SMYD3: variants seen among roughly 807,000 people sequenced by gnomAD.
The protein encoded by SMYD3 is SET and MYND domain containing 3.
A neutral mutation model predicts 57.7 loss-of-function variants in SMYD3; 36 were observed. The observed-to-expected ratio is 0.62, with a 90% CI of 0.48 to 0.82. SMYD3 has a LOEUF of 0.82. Ranked by LOEUF, SMYD3 falls within the 40% of genes least tolerant of loss-of-function variation. The probability of loss-of-function intolerance (pLI) is 0.00; values close to 1 mark genes in which losing one functional copy is unlikely to be tolerated. For synonymous variants in SMYD3, 211 were observed against 195.0 expected (o/e 1.08, Z -0.68); for missense variants, 515 against 538.8 (o/e 0.96, Z 0.44).
chr1:246,406,851 C>T (rs1422854886), intron 1 of SMYD3, among the ~76,000 whole-genome samples: 1 of 152,170 alleles, frequency 6.6e-6, no homozygotes, highest in East Asian at 1.9e-4. Flanking sequence ...GTCCTCCCTT[C>T]AAAACAAACA....
intron 5 of SMYD3, among the ~76,000 whole-genome samples, chr1:246,309,591 G>A (rs920775044): frequency 6.6e-6 from 1 of 152,126 alleles, no homozygotes; most frequent in African/African-American, 2.4e-5. Context: ...AAGTTACCGG[G>A]CTTTGAAATT....
chr1:246,156,526 AC>A (rs890297893), intron 5 of SMYD3, among the ~76,000 whole-genome samples: 1 of 152,210 alleles, frequency 6.6e-6, no homozygotes, highest in Non-Finnish European at 1.5e-5. Flanking sequence ...ACTCACAGAA[AC>A]CTACTTTCTT....
At chr1:246,180,288 TTATATA>T (rs569870572) in intron 5 of SMYD3, among the ~76,000 whole-genome samples, 2 of 145,452 alleles carry the variant, frequency 1.4e-5, no homozygotes, top group East Asian at 2.0e-4. Context: ...TATAAACTAC[TTATATA>T]TATATAAGTA....
intron 5 of SMYD3, among the ~76,000 whole-genome samples, chr1:246,078,018 G>T (rs77363362): frequency 0.079 from 12,052 of 151,750 alleles, 1,423 homozygotes; most frequent in African/African-American, 0.26. Context: ...CTTTTAAAGT[G>T]CCTTTCATAA....
chr1:245,790,451 C>A (rs188129867), intron 10 of SMYD3, among the ~76,000 whole-genome samples: 102 of 152,324 alleles, frequency 6.7e-4, no homozygotes, highest in Non-Finnish European at 7.9e-4. Context: ...GAGGGGAGAA[C>A]CCCCAGAGTC....
chr1:246,411,586 C>T (rs1271368723), intron 1 of SMYD3, among the ~76,000 whole-genome samples: 2 of 152,036 alleles, frequency 1.3e-5, no homozygotes, highest in Non-Finnish European at 2.9e-5. Context: ...AAATGTCCAA[C>T]AATGATAGAC....
intron 10 of SMYD3, among the ~76,000 whole-genome samples, chr1:245,826,945 T>C (rs2049536696): frequency 6.6e-6 from 1 of 152,226 alleles, no homozygotes; most frequent in African/African-American, 2.4e-5. Flanking sequence ...ACATGGGGAT[T>C]ATGGGGATTA....
chr1:246,430,092 C>T (rs1148727), intron 1 of SMYD3, among the ~76,000 whole-genome samples: 1 of 109,692 alleles, frequency 9.1e-6, no homozygotes. Flanking sequence ...ATACGAGAAA[C>T]GGTAACTCCT....
At chr1:245,806,887 G>A (rs1385020343) in intron 10 of SMYD3, among the ~76,000 whole-genome samples, 91 of 130,054 alleles carry the variant, frequency 7.0e-4, no homozygotes, top group East Asian at 9.5e-4. Context: ...TCCGCAATCC[G>A]GCCTGGGCGA....
intron 8 of SMYD3, among the ~76,000 whole-genome samples, chr1:245,912,346 TAAAAG>T (rs2055055601): frequency 6.6e-6 from 1 of 151,944 alleles, no homozygotes; most frequent in Non-Finnish European, 1.5e-5. Context: ...AAAACATTGA[TAAAAG>T]AAACTGAAGA....
rs145055481 is a variant in SMYD3 at position 246,378,076 on chromosome 1, C to T, written c.165-22982G>A. Reference sequence around the variant, plus strand: ...CCTTTTATCAACTGCCTGTTCATAGCATTTGCATATTTTCTACTGAGTTTT... The same window carrying T: ...CCTTTTATCAACTGCCTGTTCATAGTATTTGCATATTTTCTACTGAGTTTT... On this transcript the variant is annotated intron_variant, in intron 1 of 11. Transcript: ENST00000490107. Among the ~76,000 whole-genome samples, 256 of 152,314 alleles carry T rather than the reference C, an allele frequency of 1.7e-3. 1 individual carries two copies. Among genetic ancestry groups the T allele is most frequent in the African/African-American group, 5.7e-3 (238 of 41,562 alleles).
chr1:245,853,378 G>A (rs535039054), intron 10 of SMYD3, among the ~76,000 whole-genome samples: 4 of 152,322 alleles, frequency 2.6e-5, no homozygotes, highest in Admixed American at 1.3e-4. Context: ...GGAGAGATGC[G>A]GGATTGGGAG....
intron 1 of SMYD3, among the ~76,000 whole-genome samples, chr1:246,501,558 C>T (rs995696293): frequency 1.3e-5 from 2 of 152,318 alleles, no homozygotes; most frequent in African/African-American, 2.4e-5. Flanking sequence ...GACCTCTAAT[C>T]CATTGATTCG....
intron 5 of SMYD3, among the ~76,000 whole-genome samples, chr1:246,112,015 C>G (rs1189152748): frequency 4.6e-5 from 7 of 152,118 alleles, no homozygotes; most frequent in African/African-American, 1.7e-4. Flanking sequence ...ATGCATACCC[C>G]CTACAAACAT....
At chr1:246,423,134 T>TA (rs1326283233) in intron 1 of SMYD3, among the ~76,000 whole-genome samples, 1 of 151,668 alleles carries the variant, frequency 6.6e-6, no homozygotes, top group African/African-American at 2.4e-5. Context: ...CTGTCTCTTC[T>TA]AAAAATACAA....
At chr1:246,119,501 C>T (rs1246834472) in intron 5 of SMYD3, among the ~76,000 whole-genome samples, 1 of 151,726 alleles carries the variant, frequency 6.6e-6, no homozygotes, top group African/African-American at 2.4e-5. Flanking sequence ...CAACCTCCAC[C>T]TCCAGGGTTC....
chr1:246,138,561 G>A lies in SMYD3; in HGVS notation c.531+188640C>T, dbSNP rs35196764. Among the ~76,000 whole-genome samples, 58 of 86,446 alleles carry A rather than the reference G, an allele frequency of 6.7e-4. 4 individuals carry two copies. The highest frequency in any genetic ancestry group is 2.6e-3 in the South Asian group (8 of 3,134). 56.7% of individuals were successfully genotyped at this position (86,446 alleles called of 152,430 possible). On this transcript the variant is annotated intron_variant, in intron 5 of 11. Coordinates refer to ENST00000490107, the MANE Select transcript of SMYD3 (RefSeq NM_001167740.2). The stretch of plus-strand genomic sequence containing the variant: ...CTGCCTCAGCCTCCCGAGTAGCTGG[G>A]ACTGCAGGCTCCCGCCACCACGCCC...
At chr1:246,155,028 G>T (rs567617341) in intron 5 of SMYD3, among the ~76,000 whole-genome samples, 1 of 151,876 alleles carries the variant, frequency 6.6e-6, no homozygotes, top group Admixed American at 6.6e-5. Context: ...TGATCTGCCC[G>T]CCTCGGCCTC....
At chr1:245,972,540 T>C (rs2058326945) in intron 5 of SMYD3, among the ~76,000 whole-genome samples, 1 of 152,242 alleles carries the variant, frequency 6.6e-6, no homozygotes, top group African/African-American at 2.4e-5. Flanking sequence ...GTGGTGAATA[T>C]TGCTAGGTGT....
Sources: allele counts gnomAD v4.1 joint callset (sites outside exome capture counted in the v4.1 genomes callset), GRCh38; gene constraint gnomAD v4.1.1; transcripts MANE v1.5; gene names NCBI Gene and HGNC (gene_info 2026-07-23, HGNC 2026-07-21).